Variants in PRDM11 observed in about 807,000 individuals in gnomAD.
PRDM11 encodes the protein PR domain-containing protein 11.
A neutral mutation model predicts 97.8 loss-of-function variants in PRDM11; 20 were observed. The ratio of observed to expected loss-of-function variants is 0.20; its 90% CI spans 0.14 to 0.30. PRDM11 has a LOEUF of 0.30. Ranked by LOEUF, PRDM11 falls within the 10% of genes least tolerant of loss-of-function variation. PRDM11 has a pLI of 1.00. For synonymous variants in PRDM11, 599 were observed against 637.7 expected, an observed-to-expected ratio of 0.94 and a Z score of 0.91; for missense variants, 1,139 against 1,555.2, an observed-to-expected ratio of 0.73 and a Z score of 4.50.
chr11:45,226,110 G>A lies in PRDM11; in HGVS notation c.1485G>A (p.Lys495=), dbSNP rs1469206572. ...DMMTATDEPS[K]MSSATGRRIR... is the part of the protein sequence containing the mutation. Reference sequence around the variant, plus strand: ...TGACAGCGACGGATGAGCCCTCCAAGATGTCATCGGCCACCGGGCGCCGAA... The same window carrying A: ...TGACAGCGACGGATGAGCCCTCCAAAATGTCATCGGCCACCGGGCGCCGAA... The change falls in exon 8 of 8, where the codon AAG becomes AAA. Residue 495 remains lysine (K), a synonymous_variant. Transcript: ENST00000683152. 2.6e-6 allele frequency: 4 copies of A among 1,533,078 alleles called. No individual in the cohort carries two copies. The highest frequency in any genetic ancestry group is 2.4e-5 in the East Asian group (1 of 40,874). 95.0% of individuals were successfully genotyped at this position (1,533,078 alleles called of 1,614,324 possible).
chr11:45,127,703 T>C (rs182633211), intron 1 of PRDM11, among the ~76,000 whole-genome samples: 1 of 152,338 alleles, frequency 6.6e-6, no homozygotes, highest in Non-Finnish European at 1.5e-5. Context: ...TGCCTGATCA[T>C]TCCTCTGGAA....
chr11:45,152,297 C>A (rs914783855), intron 1 of PRDM11, among the ~76,000 whole-genome samples: 2 of 152,108 alleles, frequency 1.3e-5, no homozygotes, highest in Admixed American at 1.3e-4. Flanking sequence ...GAACTCCCGA[C>A]CTCAAGTGAT....
rs1315538589 is a variant in PRDM11 at position 45,231,607 on chromosome 11, G to A, written c.*3448G>A. On this transcript the variant is annotated 3_prime_UTR_variant, in exon 8 of 8. Transcript: ENST00000683152. ...GGTGGGAAGTGAGATCAACCTTGAG[G>A]CCCAGGTTTGTGGCCAACTGTGCCA... The A allele has an allele frequency of 6.6e-6, 1 of 151,832 alleles. No homozygotes were observed. Among genetic ancestry groups the A allele is most frequent in the Non-Finnish European group, 1.5e-5 (1 of 67,992 alleles). 9.4% of individuals were successfully genotyped at this position (151,832 alleles called of 1,614,324 possible).
At chr11:45,104,978 T>C (rs988337781) in intron 1 of PRDM11, among the ~76,000 whole-genome samples, 2 of 152,194 alleles carry the variant, frequency 1.3e-5, no homozygotes, top group Non-Finnish European at 2.9e-5. Flanking sequence ...CATGTCTTAG[T>C]CTGCTTGGGC....
At chr11:45,165,851 G>C (rs910214795) in intron 1 of PRDM11, among the ~76,000 whole-genome samples, 2 of 152,102 alleles carry the variant, frequency 1.3e-5, no homozygotes, top group African/African-American at 4.8e-5. Flanking sequence ...CTAGTTAATG[G>C]GCCCTTCACT....
chr11:45,180,939 C>A (rs939390549), intron 1 of PRDM11, among the ~76,000 whole-genome samples: 2 of 152,110 alleles, frequency 1.3e-5, no homozygotes, highest in Non-Finnish European at 2.9e-5. Flanking sequence ...CCGCCGCCGG[C>A]TTTGGGGCCC....
At chr11:45,207,397 G>C (rs949105217) in intron 5 of PRDM11, among the ~76,000 whole-genome samples, 2 of 152,172 alleles carry the variant, frequency 1.3e-5, no homozygotes, top group Non-Finnish European at 2.9e-5. Flanking sequence ...TCTGTCTGTG[G>C]TGGTTCTCAA....
At chr11:45,146,954 G>A (rs1170795307) in intron 1 of PRDM11, 77 bp downstream of exon 1, 1 of 146,506 alleles carries the variant, frequency 6.8e-6, no homozygotes, top group East Asian at 2.0e-4. Flanking sequence ...AGCGAGCGCG[G>A]GGGCCGCCGG....
chr11:45,140,168 G>C (rs1852972549), intron 1 of PRDM11, among the ~76,000 whole-genome samples: 1 of 152,168 alleles, frequency 6.6e-6, no homozygotes, highest in Non-Finnish European at 1.5e-5. Context: ...AATAGCTTTA[G>C]CTTTATGAAA....
chr11:45,198,815 GGCTAACATCCATT>G (rs1184155531), intron 4 of PRDM11, among the ~76,000 whole-genome samples: 2 of 152,126 alleles, frequency 1.3e-5, no homozygotes, highest in Non-Finnish European at 1.5e-5. Context: ...AAAATCTTGG[GGCTAACATCCATT>G]GCTCTACAAA....
In PRDM11 at chr11:45,215,679, G is replaced by A. The variant is rs371486111; in HGVS notation, c.555-3891G>A. ...TTGGGCTAGCACATTAAAACAGGAA[G>A]AGGAAACTTGGGTGAGAGACAGAAA... On this transcript the variant is annotated intron_variant, in intron 5 of 7. Coordinates refer to ENST00000683152, the MANE Select transcript of PRDM11 (RefSeq NM_001384648.1). 6.6e-5 allele frequency: 10 copies of A among 152,362 alleles called. No individual in the cohort carries two copies. The East Asian group carries it at 1.9e-3, about 29-fold the overall frequency. 9.4% of individuals were successfully genotyped at this position (152,362 alleles called of 1,614,324 possible).
At chr11:45,218,219 C>T (rs1410246302) in intron 5 of PRDM11, among the ~76,000 whole-genome samples, 4 of 152,048 alleles carry the variant, frequency 2.6e-5, no homozygotes, top group Non-Finnish European at 5.9e-5. Context: ...ATTGGTATGC[C>T]GGGTTTGCAT....
At chr11:45,096,282 G>C (rs546787910) in intron 1 of PRDM11, among the ~76,000 whole-genome samples, 1 of 152,300 alleles carries the variant, frequency 6.6e-6, no homozygotes, top group South Asian at 2.1e-4. Context: ...AATAAATATA[G>C]GTGGAAATGA....
At chr11:45,127,354 T>C (rs1466108087) in intron 1 of PRDM11, among the ~76,000 whole-genome samples, 1 of 152,248 alleles carries the variant, frequency 6.6e-6, no homozygotes, top group East Asian at 1.9e-4. Context: ...TCATTCTCCG[T>C]CCAGCTTTGT....
At chr11:45,138,246 G>A (rs1337635150) in intron 1 of PRDM11, among the ~76,000 whole-genome samples, 1 of 152,170 alleles carries the variant, frequency 6.6e-6, no homozygotes, top group Non-Finnish European at 1.5e-5. Context: ...TATTCTTAGA[G>A]AAGAGAAAAC....
chr11:45,142,762 A>T (rs1851432041), upstream of PRDM11, among the ~76,000 whole-genome samples: 1 of 152,170 alleles, frequency 6.6e-6, no homozygotes, highest in African/African-American at 2.4e-5. Context: ...CAAGAGACGG[A>T]TCCCTCAGCT....
At chr11:45,193,490 G>C (rs983809495) in intron 4 of PRDM11, among the ~76,000 whole-genome samples, 1 of 152,168 alleles carries the variant, frequency 6.6e-6, no homozygotes, top group Non-Finnish European at 1.5e-5. Flanking sequence ...ACTATACAGT[G>C]TCTGTCTCAA....
chr11:45,211,825 A>G (rs1287583492), intron 5 of PRDM11, among the ~76,000 whole-genome samples: 3 of 151,804 alleles, frequency 2.0e-5, no homozygotes, highest in African/African-American at 7.3e-5. Context: ...CCAAAATCTC[A>G]CAAGTCACCA....
chr11:45,147,432 A>G (rs1851548983), intron 1 of PRDM11: 1 of 152,192 alleles, frequency 6.6e-6, no homozygotes, highest in African/African-American at 2.4e-5. Context: ...GATGCGACGA[A>G]GCCTTCTCCA....
Sources: gnomAD v4.1 joint callset for allele counts (sites outside exome capture counted in the v4.1 genomes callset) on GRCh38, gnomAD v4.1.1 for gene constraint, MANE v1.5 for transcripts, NCBI Gene and HGNC (gene_info 2026-07-23, HGNC 2026-07-21) for gene names.